Variants in INPP5F observed in about 807,000 individuals in gnomAD.
INPP5F encodes the protein phosphatidylinositide 4-phosphatase SAC2.
In INPP5F, 97 loss-of-function variants were observed where a neutral mutation model predicts 137.2. The ratio of observed to expected loss-of-function variants is 0.71; its 90% CI spans 0.60 to 0.84. The LOEUF (loss-of-function observed/expected upper bound fraction) is 0.84. INPP5F is among the 40% of genes least tolerant of loss of function. The pLI is 0.00. For missense variants in INPP5F, 1,271 were observed against 1,371.9 expected, an observed-to-expected ratio of 0.93 and a Z score of 1.16; for synonymous variants, 504 against 476.9, an observed-to-expected ratio of 1.06 and a Z score of -0.74.
At position 119,748,628 on chromosome 10, in the gene INPP5F, G is replaced by T. The variant is rs574451836; in HGVS notation, c.98-2448G>T. Among the ~76,000 whole-genome samples the T allele has an allele frequency of 2.4e-4, 37 of 152,174 alleles. No homozygotes were observed. The highest frequency in any genetic ancestry group is 7.5e-4 in the African/African-American group (31 of 41,432). On this transcript the variant is annotated intron_variant, in intron 1 of 19. Coordinates refer to ENST00000650623, the MANE Select transcript of INPP5F (RefSeq NM_014937.4). The surrounding 1 kb of genome is among the most constrained non-coding windows in gnomAD (Gnocchi z 4.7). ...GGTCATCCAATGAGGAGACCCGAAG[G>T]GGGCAGCTCCCTCCCGCAGCTGGTG...
At chr10:119,769,380 A>G (rs1015255935) in intron 2 of INPP5F, among the ~76,000 whole-genome samples, 1 of 152,066 alleles carries the variant, frequency 6.6e-6, no homozygotes, top group Non-Finnish European at 1.5e-5. Flanking sequence ...TGATGCTCCT[A>G]CCTCAGCCTC....
At chr10:119,814,717 C>T (rs903207028) in intron 15 of INPP5F, 1 of 152,244 alleles carries the variant, frequency 6.6e-6, no homozygotes, top group Non-Finnish European at 1.5e-5. Context: ...GACAATGAAA[C>T]CTTTAAGTTC....
chr10:119,815,910 A>AT (rs1262564160), intron 15 of INPP5F: 2 of 152,558 alleles, frequency 1.3e-5, no homozygotes, highest in African/African-American at 4.8e-5. Context: ...CGCTTGCTAG[A>AT]TTTTCCTTGC....
At chr10:119,771,161 C>G (rs1849321694) in intron 2 of INPP5F, among the ~76,000 whole-genome samples, 1 of 152,178 alleles carries the variant, frequency 6.6e-6, no homozygotes, top group South Asian at 2.1e-4. Context: ...CCTTCTGTCT[C>G]TAGGGATTTT....
chr10:119,780,859 T>C (rs935540267), intron 2 of INPP5F, among the ~76,000 whole-genome samples: 2 of 152,188 alleles, frequency 1.3e-5, no homozygotes, highest in Non-Finnish European at 2.9e-5. Flanking sequence ...AGGATGTGCA[T>C]AGGTTATATA....
At chr10:119,771,843 GAGATATATAT>G (rs1446968160) in intron 2 of INPP5F, among the ~76,000 whole-genome samples, 30 of 40,884 alleles carry the variant, frequency 7.3e-4, no homozygotes, top group East Asian at 5.9e-3. Context: ...ATAAAGTATG[GAGATATATAT>G]ATATATATAT....
chr10:119,778,818 T>G (rs552431407), intron 2 of INPP5F, among the ~76,000 whole-genome samples: 1 of 152,328 alleles, frequency 6.6e-6, no homozygotes, highest in Non-Finnish European at 1.5e-5. Flanking sequence ...TTTAGTTCTA[T>G]TCTTAATTTT....
rs1849083372 is a variant in INPP5F, at chr10:119,764,051, A to C, written c.178+12895A>C. On this transcript the variant is annotated intron_variant, in intron 2 of 19. Transcript: ENST00000650623. ...TTCTACTGACATTCTGCTCAGGATT[A>C]CTTAGGAATTCTCTGAGAAGATTGA... Among the ~76,000 whole-genome samples, 3 of 152,190 alleles carry C rather than the reference A, an allele frequency of 2.0e-5. No homozygotes were observed. The South Asian group carries it at 6.2e-4, about 31-fold the overall frequency.
chr10:119,732,500 C>CTTTTTT (rs59388357), intron 1 of INPP5F, among the ~76,000 whole-genome samples: 12,087 of 114,468 alleles, frequency 0.11, 639 homozygotes, highest in African/African-American at 0.13. Context: ...TTTCTTTTTT[C>CTTTTTT]TTTTTTTTTT....
Position 119,827,448 on chromosome 10 carries a change from C to T in INPP5F, c.3067C>T (p.Pro1023Ser). 7 of 1,614,156 alleles carry T rather than the reference C, an allele frequency of 4.3e-6. No homozygotes were observed. Among genetic ancestry groups the T allele is most frequent in the Non-Finnish European group, 5.9e-6 (7 of 1,180,026 alleles). ...QLDVSLSATG[P>S]QFLSVEPAHS... ...AGATGTCTCTCTTTCTGCAACAGGC[C>T]CACAGTTTTTGTCAGTTGAGCCAGC... The change falls in exon 20 of 20, where the codon CCA becomes TCA. Residue 1023 changes from proline (P) to serine (S), a missense_variant. Around this residue, in one of 6 missense-constraint regions of INPP5F, gnomAD observed 490 missense variants for 443.7 expected, o/e 1.10. Coordinates refer to ENST00000650623, the MANE Select transcript of INPP5F (RefSeq NM_014937.4).
At chr10:119,812,519 A>G (rs1851083663) in intron 15 of INPP5F, among the ~76,000 whole-genome samples, 4 of 152,200 alleles carry the variant, frequency 2.6e-5, no homozygotes, top group Admixed American at 2.6e-4. Context: ...ATTATAAATC[A>G]GAGACATTTT....
chr10:119,727,733 T>C (rs1378772178), intron 1 of INPP5F, among the ~76,000 whole-genome samples: 3 of 152,370 alleles, frequency 2.0e-5, no homozygotes, highest in Non-Finnish European at 4.4e-5. Flanking sequence ...CAGATAAAGT[T>C]CTTGATGATC....
chr10:119,777,513 AGACTCT>A (rs1292962150), intron 2 of INPP5F, among the ~76,000 whole-genome samples: 1 of 152,210 alleles, frequency 6.6e-6, no homozygotes, highest in Non-Finnish European at 1.5e-5. Flanking sequence ...CAACAGCACG[AGACTCT>A]GTCTCAAAAT....
chr10:119,741,817 G>C (rs927723170), intron 1 of INPP5F, among the ~76,000 whole-genome samples: 1 of 152,012 alleles, frequency 6.6e-6, no homozygotes, highest in African/African-American at 2.4e-5. Flanking sequence ...TTACAGGCGT[G>C]AGCCACCGTG....
chr10:119,747,117 TTAA>T (rs1848558192), intron 1 of INPP5F, among the ~76,000 whole-genome samples: 1 of 152,122 alleles, frequency 6.6e-6, no homozygotes, highest in Non-Finnish European at 1.5e-5. Context: ...AATTAAGTGT[TTAA>T]TCTTATCAGC....
At chr10:119,765,894 G>T (rs1185309691) in intron 2 of INPP5F, among the ~76,000 whole-genome samples, 1,797 of 148,892 alleles carry the variant, frequency 0.012, 36 homozygotes, top group African/African-American at 0.043. Context: ...GAGAGAGAGA[G>T]AGAGACGGAG....
At chr10:119,790,323 G>A (rs1850095131) in intron 3 of INPP5F, among the ~76,000 whole-genome samples, 1 of 152,182 alleles carries the variant, frequency 6.6e-6, no homozygotes, top group East Asian at 1.9e-4. Flanking sequence ...GAAATAAAGT[G>A]AGCTGTTCTG....
chr10:119,736,147 T>C lies in INPP5F; in HGVS notation c.97+9788T>C, dbSNP rs969910765. The stretch of plus-strand genomic sequence containing the variant: ...AGACAGTTTTGGGGACAGCAAAAGG[T>C]GAGGGATATATCCCAACACATTGCC... On this transcript the variant is annotated intron_variant, in intron 1 of 19. Coordinates refer to ENST00000650623, the MANE Select transcript of INPP5F (RefSeq NM_014937.4). Among the ~76,000 whole-genome samples, 15 of 152,192 alleles carry C rather than the reference T, an allele frequency of 9.9e-5. 1 individual carries two copies. Among genetic ancestry groups the C allele is most frequent in the African/African-American group, 3.6e-4 (15 of 41,442 alleles).
At chr10:119,749,194 G>A (rs1307298824) in intron 1 of INPP5F, among the ~76,000 whole-genome samples, 1 of 152,188 alleles carries the variant, frequency 6.6e-6, no homozygotes, top group Non-Finnish European at 1.5e-5. Flanking sequence ...GGGTCTTCCC[G>A]GGTAGCTGAG....
Sources: gnomAD v4.1 joint callset for allele counts (sites outside exome capture counted in the v4.1 genomes callset) on GRCh38, gnomAD v4.1.1 for gene constraint, gnomAD v4.1.1 regional missense constraint, Gnocchi (gnomAD v3.1) non-coding constraint, MANE v1.5 for transcripts, NCBI Gene and HGNC (gene_info 2026-07-23, HGNC 2026-07-21) for gene names.